The following CEP135 variants were observed in gnomAD, a reference collection of about 807,000 sequenced individuals.
CEP135 encodes the protein centrosomal protein of 135 kDa.
CEP135 carries 142 observed loss-of-function variants against 157.3 expected under a neutral mutation model. The observed-to-expected ratio is 0.90, with a 90% CI of 0.79 to 1.04. The LOEUF (loss-of-function observed/expected upper bound fraction) is 1.04, where lower values mean the gene tolerates loss of function less well. CEP135 is among the 50% of genes least tolerant of loss of function. The pLI, the probability that CEP135 is intolerant of heterozygous loss-of-function variation, is 0.00. For missense variants in CEP135, 1,317 were observed against 1,309.2 expected (o/e 1.01, Z -0.09); for synonymous variants, 396 against 439.8 (o/e 0.90, Z 1.25).
intron 25 of CEP135, among the ~76,000 whole-genome samples, chr4:56,027,145 CCTT>C (rs375647798): frequency 8.9e-4 from 136 of 152,234 alleles, no homozygotes; most frequent in African/African-American, 3.2e-3. Context: ...GTCACTGTGT[CCTT>C]CTTGAATTGC....
In CEP135 at chr4:56,007,836, C is replaced by T. The variant is rs189399852; in HGVS notation, c.2281-491C>T. 3.3e-5 allele frequency among the ~76,000 whole-genome samples: 5 copies of T among 152,240 alleles called. No homozygotes were observed. The East Asian group carries it at 9.7e-4, about 29-fold the overall frequency. On this transcript the variant is annotated intron_variant, in intron 17 of 25. Coordinates refer to ENST00000257287, the MANE Select transcript of CEP135 (RefSeq NM_025009.5). ...CGTCTCTGTGGCCCAGGAACTGACT[C>T]GTCCTCATATTTGAGTCCTGGGATA...
At chr4:56,025,592 G>A (rs1731133109) in intron 25 of CEP135, among the ~76,000 whole-genome samples, 1 of 152,122 alleles carries the variant, frequency 6.6e-6, no homozygotes, top group Admixed American at 6.6e-5. Flanking sequence ...AAAGGAACGT[G>A]AACGTCAGTC....
chr4:55,971,023 C>CAATATGCTAAACT (rs1419519292), intron 9 of CEP135, among the ~76,000 whole-genome samples: 81 of 152,156 alleles, frequency 5.3e-4, no homozygotes, highest in Non-Finnish European at 7.2e-4. Flanking sequence ...AAAAATAAGA[C>CAATATGCTAAACT]AATATGCTAA....
chr4:55,997,490 A>G (rs1347137802), intron 15 of CEP135, among the ~76,000 whole-genome samples: 1 of 152,176 alleles, frequency 6.6e-6, no homozygotes, highest in Non-Finnish European at 1.5e-5. Context: ...AGTGTCCTTC[A>G]TTAAGGTTTC....
chr4:56,010,055 A>G (rs1730517199), intron 19 of CEP135, 152 bp downstream of exon 19: 4 of 886,546 alleles, frequency 4.5e-6, no homozygotes, highest in Admixed American at 2.9e-5. Flanking sequence ...AGGGTATTAA[A>G]AAATGGAGCT....
At chr4:56,020,341 C>CT (rs1361702831) in intron 23 of CEP135, among the ~76,000 whole-genome samples, 1 of 152,096 alleles carries the variant, frequency 6.6e-6, no homozygotes, top group Non-Finnish European at 1.5e-5. Context: ...GAAGAATGAG[C>CT]TTTTGAAAGG....
At chr4:56,009,452 G>T (rs375116911) in intron 18 of CEP135, among the ~76,000 whole-genome samples, 10 of 152,232 alleles carry the variant, frequency 6.6e-5, no homozygotes, top group African/African-American at 2.4e-4. Flanking sequence ...GTGAGCCACC[G>T]CGCCCAGCCC....
At chr4:55,991,830 C>A in intron 14 of CEP135, 104 bp from the exon 15 acceptor site, 1 of 661,486 alleles carries the variant, frequency 1.5e-6, no homozygotes, top group East Asian at 3.3e-5. Flanking sequence ...AAAAATAAAT[C>A]TATTTTCTTA....
At chr4:55,975,675 T>G (rs1240319158) in intron 11 of CEP135, among the ~76,000 whole-genome samples, 2 of 152,212 alleles carry the variant, frequency 1.3e-5, no homozygotes, top group Non-Finnish European at 2.9e-5. Flanking sequence ...TTTTCTTCTT[T>G]TAAGCTTTGG....
chr4:55,964,221 T>C, intron 6 of CEP135, 53 bp from the exon 7 acceptor site: 2 of 1,540,912 alleles, frequency 1.3e-6, no homozygotes, highest in South Asian at 1.2e-5. Flanking sequence ...ACAGTGTTAA[T>C]CATTTGGTTG....
At chr4:55,969,597 T>G (rs556737525) in intron 9 of CEP135, among the ~76,000 whole-genome samples, 30 of 152,288 alleles carry the variant, frequency 2.0e-4, no homozygotes, top group Non-Finnish European at 4.1e-4. Flanking sequence ...AGCATAATAT[T>G]TACAAGGTTC....
At chr4:56,015,337 T>G (rs967823976) in intron 21 of CEP135, among the ~76,000 whole-genome samples, 2 of 152,150 alleles carry the variant, frequency 1.3e-5, no homozygotes, top group Admixed American at 1.3e-4. Context: ...GAATGACTCT[T>G]AAGGGTAGCT....
At chr4:55,990,914 GT>G (rs1475813332) in intron 14 of CEP135, among the ~76,000 whole-genome samples, 1 of 151,580 alleles carries the variant, frequency 6.6e-6, no homozygotes, top group African/African-American at 2.4e-5. Context: ...ATTTTTCACT[GT>G]TTTCACTTTC....
intron 15 of CEP135, among the ~76,000 whole-genome samples, chr4:55,995,947 A>G (rs1729955965): frequency 1.3e-5 from 2 of 152,194 alleles, no homozygotes; most frequent in African/African-American, 4.8e-5. Flanking sequence ...ACCAGAGGGT[A>G]TACTCTTATC....
chr4:55,953,692 A>G (rs1728429510), intron 3 of CEP135, among the ~76,000 whole-genome samples: 1 of 152,116 alleles, frequency 6.6e-6, no homozygotes, highest in Admixed American at 6.5e-5. Context: ...TGCCATAGGG[A>G]ATATTAAATG....
chr4:55,959,289 A>G (rs1163085297), intron 5 of CEP135, among the ~76,000 whole-genome samples: 2 of 152,206 alleles, frequency 1.3e-5, no homozygotes, highest in Non-Finnish European at 2.9e-5. Context: ...GTAGTAGACA[A>G]TACAGGGTTA....
intron 17 of CEP135, among the ~76,000 whole-genome samples, chr4:56,004,342 G>A (rs569481775): frequency 1.3e-5 from 2 of 152,286 alleles, no homozygotes; most frequent in Admixed American, 6.5e-5. Context: ...GGTCTATTCT[G>A]TAGAACGTTC....
intron 1 of CEP135, among the ~76,000 whole-genome samples, chr4:55,950,768 T>A (rs1168057454): frequency 6.6e-6 from 1 of 152,182 alleles, no homozygotes; most frequent in South Asian, 2.1e-4. Flanking sequence ...TCTTTTTTTT[T>A]AATTGAAGTG....
chr4:56,001,069 T>C (rs924596152), intron 17 of CEP135, among the ~76,000 whole-genome samples: 3 of 152,208 alleles, frequency 2.0e-5, no homozygotes, highest in African/African-American at 7.2e-5. Flanking sequence ...GAACTGTCTA[T>C]GAAAATCTTT....
Sources: gnomAD v4.1 joint callset for allele counts (sites outside exome capture counted in the v4.1 genomes callset) on GRCh38, gnomAD v4.1.1 for gene constraint, MANE v1.5 for transcripts, NCBI Gene and HGNC (gene_info 2026-07-23, HGNC 2026-07-21) for gene names.